STAP2: variants seen among roughly 807,000 people sequenced by gnomAD.
STAP2 encodes the protein signal transducing adaptor family member 2.
Under a neutral mutation model 52.7 loss-of-function variants are expected in STAP2, and 58 were observed. The observed-to-expected ratio is 1.10, with a 90% CI of 0.89 to 1.37. The LOEUF (loss-of-function observed/expected upper bound fraction) is 1.37. Ranked by LOEUF, STAP2 falls within the 40% of genes most tolerant of loss-of-function variation. The pLI is 0.00. For synonymous variants in STAP2, 231 were observed against 210.5 expected (o/e 1.10, Z -0.84); for missense variants, 522 against 519.4 (o/e 1.00, Z -0.05).
At chr19:4,328,859 C>A in intron 5 of STAP2, 50 bp from the exon 6 acceptor site, 1 of 1,592,148 alleles carries the variant, frequency 6.3e-7, no homozygotes, top group Non-Finnish European at 8.5e-7. Context: ...CAAGTCCGCT[C>A]TTCTGCACGT....
intron 1 of STAP2, among the ~76,000 whole-genome samples, chr19:4,337,699 T>G (rs1363443139): frequency 6.6e-6 from 1 of 151,704 alleles, no homozygotes; most frequent in Non-Finnish European, 1.5e-5. Context: ...ATACAAAAAT[T>G]AGGTGTGGTG....
chr19:4,328,638 TCCTCCCA>T, intron 6 of STAP2, 30 bp downstream of exon 6: 1 of 641,786 alleles, frequency 1.6e-6, no homozygotes, highest in Non-Finnish European at 2.5e-6. Context: ...CTTCCCACCC[TCCTCCCA>T]CCCAGGGCTC....
Position 4,325,219 on chromosome 19 carries a change from G to A in STAP2, c.1069C>T (p.Pro357Ser). The A allele has an allele frequency of 6.3e-7, 1 of 1,585,698 alleles. No individual in the cohort carries two copies. Among genetic ancestry groups the A allele is most frequent in the Non-Finnish European group, 8.6e-7 (1 of 1,165,786 alleles). ...GGGATATGGGGGGGACCCCAACCTG[G>A]CTTGGGTCCAACGGGTGGCTTTGGA... ...KLPKPPVGPK[P>S]EPKVFNGGLG... Residue 357 changes from proline (P) to serine (S), a missense_variant, in exon 11 of 13, where the codon CCA becomes TCA. Transcript: ENST00000594605.
chr19:4,324,061 A>T lies in STAP2; in HGVS notation c.*72T>A. 2 of 1,491,696 alleles carry T rather than the reference A, an allele frequency of 1.3e-6. No individual in the cohort carries two copies. Among genetic ancestry groups the T allele is most frequent in the Non-Finnish European group, 1.8e-6 (2 of 1,095,014 alleles). The allele number at this position is 1,491,696 out of a possible 1,614,324, so 92.4% of individuals were successfully genotyped here. A position where few individuals can be genotyped will look rare whatever the true frequency, so the allele number is the denominator to read the frequency against. ...ACATGGGTCCTGGGGTCAGAGTTTT[A>T]ATCCTGGGAAAAAGAATCTGGCCGC... is the stretch of plus-strand genomic sequence containing the variant. On this transcript the variant is annotated 3_prime_UTR_variant, in exon 13 of 13. Coordinates refer to ENST00000594605, the MANE Select transcript of STAP2 (RefSeq NM_001013841.2).
At chr19:4,338,585 G>C in intron 1 of STAP2, 67 bp downstream of exon 1, 1 of 1,315,660 alleles carries the variant, frequency 7.6e-7, no homozygotes, top group Non-Finnish European at 1.0e-6. Flanking sequence ...GGGAGACAGG[G>C]ACTCAGAGAG....
At chr19:4,324,922 CAGG>C (rs947440338) in intron 11 of STAP2, 1 of 434,546 alleles carries the variant, frequency 2.3e-6, no homozygotes, top group African/African-American at 2.0e-5. Flanking sequence ...ATCACGAGGT[CAGG>C]AGATCAAGAC....
intron 1 of STAP2, chr19:4,338,264 G>A (rs62129337): frequency 0.04 from 6,693 of 168,406 alleles, 194 homozygotes; most frequent in South Asian, 0.095. Context: ...TTTTTCCTGG[G>A]CTGGGAGCGG....
chr19:4,338,572 G>GT, intron 1 of STAP2, 80 bp downstream of exon 1: 1 of 833,676 alleles, frequency 1.2e-6, no homozygotes, highest in Non-Finnish European at 1.7e-6. Context: ...CCCTTGGCGA[G>GT]TGGGGAGACA....
At chr19:4,338,575 G>GGGGGGGCC in intron 1 of STAP2, 77 bp downstream of exon 1, 1 of 1,127,826 alleles carries the variant, frequency 8.9e-7, no homozygotes, top group Non-Finnish European at 1.2e-6. Context: ...TTGGCGAGTG[G>GGGGGGGCC]GGAGACAGGG....
chr19:4,331,328 C>CA (rs1599552351), intron 4 of STAP2, among the ~76,000 whole-genome samples: 1 of 151,706 alleles, frequency 6.6e-6, no homozygotes, highest in Admixed American at 6.6e-5. Context: ...GACCTTGTCT[C>CA]AAAAAAATAA....
At position 4,328,752 on chromosome 19, in the gene STAP2, C is replaced by G. The variant is rs368256666; in HGVS notation, c.513G>C (p.Glu171Asp). Residue 171 changes from glutamate (E) to aspartate (D), a missense_variant, in exon 6 of 13, where the codon GAG becomes GAC. Transcript: ENST00000594605. ...EAQLLLERYP[E>D]CGNLLLRPSG... ...TGGGCCGCAGCAGCAGGTTCCCGCA[C>G]TCGGGGTAGCGCTCCAGGAGCAGTT... 6.2e-7 allele frequency: 1 copy of G among 1,610,684 alleles called. No individual in the cohort carries two copies. Among genetic ancestry groups the G allele is most frequent in the African/African-American group, 1.3e-5 (1 of 74,898 alleles).
At position 4,327,228 on chromosome 19, in the gene STAP2, T is replaced by TG. The variant is rs1971808451; in HGVS notation, c.661-3dup. 1.2e-6 allele frequency: 2 copies of TG among 1,613,862 alleles called. No homozygotes were observed. Among genetic ancestry groups the TG allele is most frequent in the South Asian group, 1.1e-5 (1 of 90,952 alleles). ...GGCGTCCAGGGAGGTGCAAGAGAAC[T>TG]GGGGGCAGATGGGGGAGCGGTCAGG... On this transcript the variant is annotated splice_polypyrimidine_tract_variant and splice_region_variant and intron_variant, in intron 7 of 12. Coordinates refer to ENST00000594605, the MANE Select transcript of STAP2 (RefSeq NM_001013841.2).
chr19:4,336,129 A>G (rs1273765627), intron 1 of STAP2, among the ~76,000 whole-genome samples: 1 of 151,922 alleles, frequency 6.6e-6, no homozygotes, highest in Non-Finnish European at 1.5e-5. Context: ...CTCCTGCCTC[A>G]GCTTCTCAAG....
chr19:4,330,777 C>T lies in STAP2; in HGVS notation c.355-716G>A, dbSNP rs574101911. ...GTCACCAAGCTGGAGTGCAGTGGCG[C>T]GATCTTGGCTCACTGCAACCTCCGA... On this transcript the variant is annotated intron_variant, in intron 4 of 12. Transcript: ENST00000594605. 6.8e-4 allele frequency among the ~76,000 whole-genome samples: 97 copies of T among 142,506 alleles called. 1 individual carries two copies. In the South Asian group the frequency reaches 0.018, roughly 26 times the overall value. The allele number at this position is 142,506 out of a possible 152,430, so 93.5% of individuals were successfully genotyped here.
intron 8 of STAP2, 50 bp from the exon 9 acceptor site, chr19:4,327,057 C>T (rs747156287): frequency 6.2e-7 from 1 of 1,603,032 alleles, no homozygotes; most frequent in South Asian, 1.1e-5. Flanking sequence ...AGGGGCGGCC[C>T]GGTCCGTCCG....
At chr19:4,333,888 C>T in intron 2 of STAP2, 72 bp from the exon 3 acceptor site, 1 of 1,612,106 alleles carries the variant, frequency 6.2e-7, no homozygotes, top group Non-Finnish European at 8.5e-7. Flanking sequence ...ATGTAGCAGC[C>T]ACCTTGACCA....
At chr19:4,332,193 CTTCTTTTTTTT>C in intron 3 of STAP2, 115 bp from the exon 4 acceptor site, 2 of 317,066 alleles carry the variant, frequency 6.3e-6, no homozygotes, top group East Asian at 7.0e-5. Flanking sequence ...TTTTCTTTTT[CTTCTTTTTTTT>C]TTTTTTTTTT....
Position 4,329,941 on chromosome 19 carries a change from G to A in STAP2, c.455+20C>T. On this transcript the variant is annotated intron_variant, in intron 5 of 12. Coordinates refer to ENST00000594605, the MANE Select transcript of STAP2 (RefSeq NM_001013841.2). Reference sequence around the variant, plus strand: ...TCCCGTCCCCATCCTGCAGCCCCTCGGGACAGGCGGGACACTCACGAGGGT... The same window carrying A: ...TCCCGTCCCCATCCTGCAGCCCCTCAGGACAGGCGGGACACTCACGAGGGT... The A allele has an allele frequency of 3.1e-6, 5 of 1,601,324 alleles. No homozygotes were observed. Among genetic ancestry groups the A allele is most frequent in the East Asian group, 2.3e-5 (1 of 44,390 alleles).
chr19:4,328,575 A>C, intron 6 of STAP2, 100 bp downstream of exon 6: 1 of 1,457,954 alleles, frequency 6.9e-7, no homozygotes, highest in Middle Eastern at 2.4e-4. Flanking sequence ...TGGCCTACCC[A>C]CTAGCGGGTC....
Sources: allele counts gnomAD v4.1 joint callset (sites outside exome capture counted in the v4.1 genomes callset), GRCh38; gene constraint gnomAD v4.1.1; transcripts MANE v1.5; gene names NCBI Gene and HGNC (gene_info 2026-07-23, HGNC 2026-07-21).